The following UTRN variants were observed in gnomAD, a reference collection of about 807,000 sequenced individuals.
The protein encoded by UTRN is dystrophin-related protein 1.
A neutral mutation model predicts 463.9 loss-of-function variants in UTRN; 283 were observed. That is an observed-to-expected ratio of 0.61 (90% CI 0.55 to 0.67). UTRN has a LOEUF of 0.67. Among genes scored for constraint, UTRN ranks in the 30% least tolerant of loss-of-function variants. UTRN has a pLI of 0.00. For missense variants in UTRN, 3,922 were observed against 4,084.3 expected, an observed-to-expected ratio of 0.96 and a Z score of 1.08; for synonymous variants, 1,442 against 1,431.5, an observed-to-expected ratio of 1.01 and a Z score of -0.17.
At chr6:144,679,083 C>A (rs1486378098) in intron 52 of UTRN, among the ~76,000 whole-genome samples, 1 of 152,078 alleles carries the variant, frequency 6.6e-6, no homozygotes, top group Non-Finnish European at 1.5e-5. Context: ...TTTGCTTAAT[C>A]ATGTTGTTTT....
rs980739196 is a variant in UTRN at position 144,851,394 on chromosome 6, T to G, written c.*397T>G. The G allele has an allele frequency of 1.1e-5, 2 of 182,252 alleles. No homozygotes were observed. Among genetic ancestry groups the G allele is most frequent in the African/African-American group, 4.7e-5 (2 of 42,480 alleles). The allele number at this position is 182,252 out of a possible 1,614,324, so 11.3% of individuals were successfully genotyped here. On this transcript the variant is annotated 3_prime_UTR_variant, in exon 75 of 75. Transcript: ENST00000367545. ...AAGAATTAGAAGACCACTTTACATT[T>G]TTACATTCCTTCTGCTGTTCATATT...
Position 144,562,172 on chromosome 6 carries a change from T to C in UTRN, c.7289+4861T>C, listed in dbSNP as rs1164290544. ...TCCTGGGAAGAAAAGATACGGAATT[T>C]AAAAAGACACAATTATTTATTTAAA... On this transcript the variant is annotated intron_variant, in intron 50 of 74. Coordinates refer to ENST00000367545, the MANE Select transcript of UTRN (RefSeq NM_007124.3). 2.0e-5 allele frequency among the ~76,000 whole-genome samples: 3 copies of C among 152,292 alleles called. No homozygotes were observed. In the East Asian group the frequency reaches 5.8e-4, roughly 29 times the overall value.
At position 144,614,788 on chromosome 6, in the gene UTRN, T is replaced by G. The variant is rs552310974; in HGVS notation, c.7479+37500T>G. On this transcript the variant is annotated intron_variant, in intron 51 of 74. Coordinates refer to ENST00000367545, the MANE Select transcript of UTRN (RefSeq NM_007124.3). Reference sequence around the variant, plus strand: ...AAATTCTTTCTTGTACTTTGGGCTATGGAGTCTATGTAGGGTTAGAAATAT... The same window carrying G: ...AAATTCTTTCTTGTACTTTGGGCTAGGGAGTCTATGTAGGGTTAGAAATAT... 3.9e-5 allele frequency among the ~76,000 whole-genome samples: 6 copies of G among 152,276 alleles called. No homozygotes were observed. In the East Asian group the frequency reaches 1.2e-3, roughly 29 times the overall value.
At position 144,459,052 on chromosome 6, in the gene UTRN, G is replaced by A. The variant is rs369015718; in HGVS notation, c.2526+41G>A. 15 of 1,573,038 alleles carry A rather than the reference G, an allele frequency of 9.5e-6. No individual in the cohort carries two copies. The African/African-American group carries it at 2.0e-4, about 21-fold the overall frequency. ...TCTGGAAAGTGGAGGAATTCTATGT[G>A]CAGTTCCAGAGTTAAGGAGGGCTTC... On this transcript the variant is annotated intron_variant, in intron 20 of 74. Coordinates refer to ENST00000367545, the MANE Select transcript of UTRN (RefSeq NM_007124.3).
In UTRN at chr6:144,852,886, T is replaced by TAATA. The variant is rs145543615; in HGVS notation, c.*1896_*1899dup. 2.6e-5 allele frequency: 4 copies of TAATA among 152,594 alleles called. No homozygotes were observed. Among genetic ancestry groups the TAATA allele is most frequent in the Non-Finnish European group, 4.4e-5 (3 of 68,018 alleles). 9.5% of individuals were successfully genotyped at this position (152,594 alleles called of 1,614,324 possible). Reference sequence around the variant, plus strand: ...CACTACATTGTAACCTTCTAAGTAATAATAAATAAAAAGAAATATATTGCA... The same window carrying TAATA: ...CACTACATTGTAACCTTCTAAGTAATAATAAATAAATAAAAAGAAATATATTGCA... On this transcript the variant is annotated 3_prime_UTR_variant, in exon 75 of 75. Coordinates refer to ENST00000367545, the MANE Select transcript of UTRN (RefSeq NM_007124.3).
At chr6:144,595,002 A>G (rs954418473) in intron 51 of UTRN, among the ~76,000 whole-genome samples, 37 of 152,314 alleles carry the variant, frequency 2.4e-4, no homozygotes, top group African/African-American at 8.7e-4. Flanking sequence ...TATGTAAATC[A>G]TATCTATAAA....
chr6:144,428,635 A>G (rs931070685), intron 7 of UTRN, 143 bp from the exon 8 acceptor site: 2 of 513,128 alleles, frequency 3.9e-6, no homozygotes, highest in East Asian at 3.1e-5. Context: ...TATGTATTTG[A>G]CAAGCCTTTG....
intron 61 of UTRN, among the ~76,000 whole-genome samples, chr6:144,784,059 G>A (rs1776091983): frequency 6.6e-6 from 1 of 152,164 alleles, no homozygotes; most frequent in Non-Finnish European, 1.5e-5. Context: ...GGTCAAAGGT[G>A]TTTTAACTAC....
chr6:144,416,777 A>G (rs939046730), intron 3 of UTRN, among the ~76,000 whole-genome samples: 23 of 152,138 alleles, frequency 1.5e-4, no homozygotes, highest in Admixed American at 6.5e-5. Context: ...AAGACTGTTC[A>G]TTTATACCAT....
At chr6:144,805,428 G>A (rs1343091061) in intron 65 of UTRN, among the ~76,000 whole-genome samples, 1 of 152,232 alleles carries the variant, frequency 6.6e-6, no homozygotes, top group Non-Finnish European at 1.5e-5. Context: ...TGACATTTGA[G>A]TTGAGACCAA....
chr6:144,294,937 G>T (rs79359743), intron 2 of UTRN, among the ~76,000 whole-genome samples: 2 of 152,148 alleles, frequency 1.3e-5, no homozygotes, highest in South Asian at 2.1e-4. Context: ...TTGGGTTTGG[G>T]TGAGTGTTAG....
chr6:144,484,071 C>A (rs1169250490), intron 27 of UTRN, among the ~76,000 whole-genome samples: 1 of 152,168 alleles, frequency 6.6e-6, no homozygotes, highest in Non-Finnish European at 1.5e-5. Context: ...CAGCTGAGTT[C>A]TTTCTCCTAA....
chr6:144,520,877 C>A (rs1796025582), intron 39 of UTRN, among the ~76,000 whole-genome samples: 1 of 152,074 alleles, frequency 6.6e-6, no homozygotes. Context: ...GCAGTTTGGC[C>A]CTTTGCAAGT....
intron 25 of UTRN, among the ~76,000 whole-genome samples, 153 bp from the exon 26 acceptor site, chr6:144,479,659 C>T (rs1474396811): frequency 6.6e-6 from 1 of 152,114 alleles, no homozygotes; most frequent in African/African-American, 2.4e-5. Flanking sequence ...TATTCCACAG[C>T]GTTAGCATGA....
rs888700229 is a variant in UTRN at position 144,429,715 on chromosome 6, T to C, written c.829T>C (p.Cys277Arg). The C allele has an allele frequency of 1.9e-6, 3 of 1,611,444 alleles. No individual in the cohort carries two copies. In the African/African-American group the frequency reaches 4.0e-5, roughly 22 times the overall value. The change falls in exon 9 of 75, where the codon TGT (cysteine) becomes CGT (arginine). Residue 277 changes from cysteine (C) to arginine (R), a missense_variant. Cys to Arg is a radical substitution (Grantham distance 180). Coordinates refer to ENST00000367545, the MANE Select transcript of UTRN (RefSeq NM_007124.3). Reference sequence around the variant, plus strand: ...ACTCCCAAGGAAATATAAAAAAGAATGTGAAGAAGAGGCAATTAATATACA... The same window carrying C: ...ACTCCCAAGGAAATATAAAAAAGAACGTGAAGAAGAGGCAATTAATATACA... ...ETLPRKYKKE[C>R]EEEAINIQST... is the part of the protein sequence containing the mutation.
chr6:144,542,290 G>T (rs1461788060), intron 45 of UTRN, among the ~76,000 whole-genome samples: 1 of 152,156 alleles, frequency 6.6e-6, no homozygotes, highest in East Asian at 1.9e-4. Flanking sequence ...CACAGAGAGG[G>T]CTGGACTGAA....
intron 52 of UTRN, among the ~76,000 whole-genome samples, chr6:144,686,721 C>G (rs1042139331): frequency 1.3e-5 from 2 of 151,858 alleles, no homozygotes; most frequent in East Asian, 3.9e-4. Flanking sequence ...TACTACTGTT[C>G]ACTTTTGGTT....
intron 2 of UTRN, among the ~76,000 whole-genome samples, chr6:144,331,676 C>A (rs1776341953): frequency 6.6e-6 from 1 of 152,208 alleles, no homozygotes; most frequent in Non-Finnish European, 1.5e-5. Context: ...AGCAAGATCT[C>A]TGCTTGCAGG....
chr6:144,297,498 T>G (rs1804832516), intron 2 of UTRN, among the ~76,000 whole-genome samples: 1 of 152,200 alleles, frequency 6.6e-6, no homozygotes, highest in Non-Finnish European at 1.5e-5. Context: ...CTTTTATGTT[T>G]AAAGCAGTAT....
Sources: allele counts gnomAD v4.1 joint callset (sites outside exome capture counted in the v4.1 genomes callset), GRCh38; gene constraint gnomAD v4.1.1; transcripts MANE v1.5; gene names NCBI Gene and HGNC (gene_info 2026-07-23, HGNC 2026-07-21).